The following XRRA1 variants were observed in gnomAD, a reference collection of about 807,000 sequenced individuals.
XRRA1 encodes the protein X-ray radiation resistance-associated protein 1.
Under a neutral mutation model 80.2 loss-of-function variants are expected in XRRA1, and 69 were observed. The observed-to-expected ratio is 0.86, with a 90% confidence interval of 0.71 to 1.05. The LOEUF (loss-of-function observed/expected upper bound fraction) is 1.05, where lower values mean the gene tolerates loss of function less well. Among genes scored for constraint, XRRA1 ranks in the 50% least tolerant of loss-of-function variants. The probability of loss-of-function intolerance (pLI) is 0.00; values close to 1 mark genes in which losing one functional copy is unlikely to be tolerated. For synonymous variants in XRRA1, 348 were observed against 389.9 expected, an observed-to-expected ratio of 0.89 and a Z score of 1.27; for missense variants, 967 against 976.4, an observed-to-expected ratio of 0.99 and a Z score of 0.13.
At chr11:74,940,470 T>C (rs1395574452) in intron 3 of XRRA1, among the ~76,000 whole-genome samples, 1 of 152,108 alleles carries the variant, frequency 6.6e-6, no homozygotes, top group South Asian at 2.1e-4. Flanking sequence ...AAAAAAGCTA[T>C]GTGAAAAGCA....
At chr11:74,862,256 G>T (rs758191183) in intron 11 of XRRA1, among the ~76,000 whole-genome samples, 5 of 151,952 alleles carry the variant, frequency 3.3e-5, no homozygotes, top group African/African-American at 4.8e-5. Flanking sequence ...GGTGGAGCCA[G>T]TGGAATCACT....
At chr11:74,921,068 G>T in intron 8 of XRRA1, 146 bp downstream of exon 8, 1 of 1,079,344 alleles carries the variant, frequency 9.3e-7, no homozygotes, top group Non-Finnish European at 1.3e-6. Flanking sequence ...GTGTGTCTGA[G>T]GCCTTTCTGG....
At chr11:74,900,073 G>A (rs1334034130) in intron 10 of XRRA1, among the ~76,000 whole-genome samples, 4 of 151,958 alleles carry the variant, frequency 2.6e-5, no homozygotes, top group African/African-American at 9.7e-5. Flanking sequence ...GCTGAGGCAG[G>A]AGAATCTCTT....
At chr11:74,874,475 A>AAG (rs1185541106) in intron 10 of XRRA1, among the ~76,000 whole-genome samples, 3 of 152,122 alleles carry the variant, frequency 2.0e-5, no homozygotes, top group African/African-American at 7.2e-5. Flanking sequence ...TGGGCTCCCT[A>AAG]AGTAAGGAAC....
intron 3 of XRRA1, among the ~76,000 whole-genome samples, chr11:74,937,742 C>T (rs1466116709): frequency 6.6e-6 from 1 of 152,214 alleles, no homozygotes; most frequent in African/African-American, 2.4e-5. Flanking sequence ...CTTTCTCGCA[C>T]CAGCAGTTTA....
Position 74,946,754 on chromosome 11 carries a change from C to CT in XRRA1, c.-72-1670dup, listed in dbSNP as rs199664037. Among the ~76,000 whole-genome samples, 829 of 141,574 alleles carry CT rather than the reference C, an allele frequency of 5.9e-3. 5 individuals are homozygous for CT. Among genetic ancestry groups the CT allele is most frequent in the African/African-American group, 0.015 (568 of 38,760 alleles). The allele number at this position is 141,574 out of a possible 152,430, so 92.9% of individuals were successfully genotyped here. On this transcript the variant is annotated intron_variant, in intron 1 of 18. Coordinates refer to ENST00000684022, the MANE Select transcript of XRRA1 (RefSeq NM_001378157.1). ...GCCTGGGTCCTACTTACCTCTTTTT[C>CT]TTTTTTTTTTTTTTTGAGACGGAGT...
At chr11:74,900,102 T>C (rs1301440379) in intron 10 of XRRA1, among the ~76,000 whole-genome samples, 9 of 147,340 alleles carry the variant, frequency 6.1e-5, no homozygotes, top group African/African-American at 2.3e-4. Context: ...GAGGCGGAGG[T>C]TGCAGTGAGC....
chr11:74,845,346 T>C lies in XRRA1; in HGVS notation c.1729-75A>G, dbSNP rs914935438. ...TTCCATGAACATTCGGAGTATCATC[T>C]CTGTGCTGGTCTCTGCTGGGCCCTG... On this transcript the variant is annotated intron_variant, in intron 15 of 18. Coordinates refer to ENST00000684022, the MANE Select transcript of XRRA1 (RefSeq NM_001378157.1). 5.5e-6 allele frequency: 8 copies of C among 1,461,820 alleles called. No individual in the cohort carries two copies. The East Asian group carries it at 1.7e-4, about 32-fold the overall frequency. 90.6% of individuals were successfully genotyped at this position (1,461,820 alleles called of 1,614,324 possible).
At chr11:74,866,914 G>A (rs987282884) in intron 10 of XRRA1, among the ~76,000 whole-genome samples, 1 of 152,142 alleles carries the variant, frequency 6.6e-6, no homozygotes, top group African/African-American at 2.4e-5. Flanking sequence ...AAAGACAAAA[G>A]GGGTAGAAAG....
chr11:74,927,533 T>G, intron 6 of XRRA1, 45 bp from the exon 7 acceptor site: 1 of 1,309,994 alleles, frequency 7.6e-7, no homozygotes, highest in Non-Finnish European at 1.1e-6. Flanking sequence ...TGTAAAGGAC[T>G]TAAGAGAAAG....
intron 2 of XRRA1, among the ~76,000 whole-genome samples, chr11:74,943,406 T>A (rs894478859): frequency 7.9e-5 from 12 of 152,174 alleles, no homozygotes; most frequent in African/African-American, 2.9e-4. Flanking sequence ...CAGTCTGATG[T>A]CAAACCTTGG....
Position 74,921,314 on chromosome 11 carries a change from CCA to C in XRRA1, c.554_555del (p.Val185GlyfsTer5). On this transcript the variant is annotated frameshift_variant, in exon 8 of 19. Transcript: ENST00000684022. LOFTEE classifies it high-confidence loss of function. ...AGAATCCCCAAATCACAGATGGCCT[CCA>C]CAGTCAGGCTGTTGAAGGAAAGGTC... ...FLDLSFNSLT[V>X]EAICDLGILP... 2 of 1,613,956 alleles carry C rather than the reference CCA, an allele frequency of 1.2e-6. No homozygotes were observed. The highest frequency in any genetic ancestry group is 1.7e-6 in the Non-Finnish European group (2 of 1,179,872).
At chr11:74,897,733 A>C (rs1442887796) in intron 10 of XRRA1, among the ~76,000 whole-genome samples, 1 of 151,704 alleles carries the variant, frequency 6.6e-6, no homozygotes, top group Non-Finnish European at 1.5e-5. Flanking sequence ...GAAAAAAAAA[A>C]ACTTTAACCC....
intron 8 of XRRA1, among the ~76,000 whole-genome samples, chr11:74,908,469 T>C (rs1344979): frequency 0.021 from 3,229 of 152,220 alleles, 111 homozygotes; most frequent in African/African-American, 0.074. Context: ...TTAACAAAGG[T>C]TGGCAGTGAG....
intron 10 of XRRA1, among the ~76,000 whole-genome samples, chr11:74,882,782 G>A (rs564780423): frequency 0.024 from 3,712 of 152,268 alleles, 149 homozygotes; most frequent in African/African-American, 0.085. Flanking sequence ...TGAGGTGTCA[G>A]TGTGCCCCTG....
chr11:74,937,659 T>C (rs1266231797), intron 3 of XRRA1, among the ~76,000 whole-genome samples: 3 of 151,934 alleles, frequency 2.0e-5, no homozygotes, highest in Non-Finnish European at 4.4e-5. Flanking sequence ...TTAAAATGTG[T>C]ATAAGCAAAA....
At chr11:74,851,959 TGA>T (rs768498718) in intron 13 of XRRA1, 28 bp downstream of exon 13, 33 of 1,593,628 alleles carry the variant, frequency 2.1e-5, no homozygotes, top group African/African-American at 4.0e-5. Context: ...GGCACTGGGT[TGA>T]GAGGGGGCAG....
intron 10 of XRRA1, among the ~76,000 whole-genome samples, chr11:74,888,947 AC>A (rs2049886539): frequency 6.6e-6 from 1 of 152,236 alleles, no homozygotes; most frequent in African/African-American, 2.4e-5. Context: ...CCTGAAAGTT[AC>A]GGGGAGAATG....
rs1027411572 is a variant in XRRA1 at position 74,845,174 on chromosome 11, C to G, written c.1826G>C (p.Gly609Ala). 5.0e-6 allele frequency: 8 copies of G among 1,613,924 alleles called. No homozygotes were observed. The highest frequency in any genetic ancestry group is 4.5e-5 in the East Asian group (2 of 44,894). ...GGCAGTTGGGAGTTTCCTCCGAGTC[C>G]CTTTCACCTCTCTGGGTGCCGTTGG... The part of the protein sequence containing the change: ...KPPTAPREVK[G>A]TRRKLPTAFL... The change falls in exon 16 of 19, where the codon GGG (glycine) becomes GCG (alanine). Residue 609 changes from glycine to alanine, a missense_variant. Coordinates refer to ENST00000684022, the MANE Select transcript of XRRA1 (RefSeq NM_001378157.1).
Sources: allele counts gnomAD v4.1 joint callset (sites outside exome capture counted in the v4.1 genomes callset), GRCh38; gene constraint gnomAD v4.1.1; transcripts MANE v1.5; gene names NCBI Gene and HGNC (gene_info 2026-07-23, HGNC 2026-07-21).